ZNF568: variants seen among roughly 807,000 people sequenced by gnomAD.
The protein encoded by ZNF568 is p53 inhibitor of SCO2 activation.
ZNF568 carries 11 observed loss-of-function variants against 18.1 expected under a neutral mutation model. That is an observed-to-expected ratio of 0.61 (90% CI 0.38 to 1.00). ZNF568 has a LOEUF of 1.00. ZNF568 is among the 50% of genes least tolerant of loss of function. ZNF568 has a pLI of 0.01. For synonymous variants in ZNF568, 213 were observed against 246.6 expected, an observed-to-expected ratio of 0.86 and a Z score of 1.28; for missense variants, 639 against 768.2, an observed-to-expected ratio of 0.83 and a Z score of 1.99.
chr19:36,972,040 G>A (rs556304634), intron 6 of ZNF568, among the ~76,000 whole-genome samples: 1 of 151,824 alleles, frequency 6.6e-6, no homozygotes, highest in East Asian at 1.9e-4. Context: ...TCACCATGTT[G>A]GCCAGGATGG....
At chr19:36,930,354 C>T (rs562504935) in intron 4 of ZNF568, among the ~76,000 whole-genome samples, 2 of 152,002 alleles carry the variant, frequency 1.3e-5, no homozygotes, top group South Asian at 2.1e-4. Context: ...GGACTACAGA[C>T]GCTCGCCACC....
intron 7 of ZNF568, among the ~76,000 whole-genome samples, chr19:36,977,424 TTTGTTTTTTGTC>T (rs1241583324): frequency 6.6e-6 from 1 of 152,098 alleles, no homozygotes; most frequent in Non-Finnish European, 1.5e-5. Flanking sequence ...TTTGTTTTGT[TTTGTTTTTTGTC>T]CTGGATATGT....
chr19:36,980,747 G>T (rs568666224), downstream of ZNF568, among the ~76,000 whole-genome samples: 11 of 152,268 alleles, frequency 7.2e-5, no homozygotes, highest in South Asian at 2.3e-3. Context: ...AAGCTTCAGT[G>T]CCCAGTTTTT....
chr19:36,984,140 C>T (rs578245765), downstream of ZNF568, among the ~76,000 whole-genome samples: 1 of 152,066 alleles, frequency 6.6e-6, no homozygotes, highest in South Asian at 2.1e-4. Flanking sequence ...ACCTCATGAT[C>T]CCCCCACCTC....
chr19:36,924,797 C>T (rs1332395344), intron 3 of ZNF568, among the ~76,000 whole-genome samples: 3 of 150,434 alleles, frequency 2.0e-5, no homozygotes, highest in Non-Finnish European at 4.4e-5. Context: ...GGCCACTGCA[C>T]TCCAGCCTGG....
At chr19:36,944,567 T>A (rs2146301896) in intron 6 of ZNF568, among the ~76,000 whole-genome samples, 1 of 152,266 alleles carries the variant, frequency 6.6e-6, no homozygotes, top group Non-Finnish European at 1.5e-5. Context: ...ACTATTGACA[T>A]TTTGGGCCAG....
intron 6 of ZNF568, among the ~76,000 whole-genome samples, chr19:36,944,045 C>A (rs1242851844): frequency 6.6e-6 from 1 of 151,894 alleles, no homozygotes; most frequent in Non-Finnish European, 1.5e-5. Flanking sequence ...CTCTTTAATA[C>A]TGAGTTATTG....
At chr19:36,984,092 G>T (rs899770090), downstream of ZNF568, among the ~76,000 whole-genome samples, 2 of 151,586 alleles carry the variant, frequency 1.3e-5, no homozygotes, top group African/African-American at 4.8e-5. Flanking sequence ...GTAGAGAGGG[G>T]GTTTCACCGT....
chr19:36,935,890 G>C (rs1427028899), intron 4 of ZNF568, among the ~76,000 whole-genome samples: 1 of 152,064 alleles, frequency 6.6e-6, no homozygotes, highest in African/African-American at 2.4e-5. Context: ...GCATGTAGTT[G>C]AATTCTGTTT....
chr19:36,971,182 G>A (rs993728713), intron 6 of ZNF568, among the ~76,000 whole-genome samples: 2 of 151,524 alleles, frequency 1.3e-5, no homozygotes, highest in African/African-American at 4.8e-5. Flanking sequence ...GCAGTGAGCT[G>A]AGACGGCATC....
intron 6 of ZNF568, among the ~76,000 whole-genome samples, chr19:36,960,682 C>T (rs1327436138): frequency 1.3e-5 from 2 of 150,954 alleles, no homozygotes; most frequent in Non-Finnish European, 2.9e-5. Context: ...AAGCCGAGAT[C>T]ATGCCATTGC....
At chr19:36,977,013 T>C (rs1384443629) in intron 7 of ZNF568, among the ~76,000 whole-genome samples, 5 of 152,252 alleles carry the variant, frequency 3.3e-5, no homozygotes, top group Non-Finnish European at 7.3e-5. Flanking sequence ...TTAAACAACA[T>C]TTCATATGTT....
intron 6 of ZNF568, among the ~76,000 whole-genome samples, chr19:36,971,846 C>CTTTT (rs10672807): frequency 2.8e-5 from 4 of 142,934 alleles, no homozygotes; most frequent in African/African-American, 2.6e-5. Flanking sequence ...CTATTTATAA[C>CTTTT]TTTTTTTTTT....
intron 4 of ZNF568, among the ~76,000 whole-genome samples, chr19:36,929,110 A>G (rs2146278998): frequency 7.0e-6 from 1 of 142,206 alleles, no homozygotes; most frequent in African/African-American, 2.6e-5. Context: ...TTTAATGCTT[A>G]CATAACTTTA....
intron 2 of ZNF568, among the ~76,000 whole-genome samples, chr19:36,921,899 A>G (rs2073462781): frequency 1.3e-5 from 2 of 152,184 alleles, no homozygotes; most frequent in African/African-American, 4.8e-5. Context: ...TTTTTGACTC[A>G]GGTTTACATC....
At chr19:36,989,999 T>C (rs1397317533) in intron 2 of ZNF568, among the ~76,000 whole-genome samples, 1 of 152,134 alleles carries the variant, frequency 6.6e-6, no homozygotes, top group Non-Finnish European at 1.5e-5. Flanking sequence ...CAAACTTGAG[T>C]TTTCTAATTA....
At chr19:36,996,378 A>G (rs2074471688) in exon 5 of ZNF568, 2 of 1,535,690 alleles carry the variant, frequency 1.3e-6, no homozygotes, top group African/African-American at 1.4e-5. Context: ...ATGAAATTAG[A>G]TCACCACAAC....
intron 6 of ZNF568, among the ~76,000 whole-genome samples, 185 bp from the exon 7 acceptor site, chr19:36,949,327 G>C (rs183582672): frequency 1.1e-3 from 169 of 152,284 alleles, no homozygotes; most frequent in African/African-American, 3.9e-3. Context: ...GTCTCCATAT[G>C]TTTTATGTAG....
At position 36,952,144 on chromosome 19, in the gene ZNF568, T is replaced by A; in HGVS notation, c.*1056T>A. ...TAATGCATAAGAAATATATATATAA[T>A]ATATGTATGTATGTATAGCCAGATG... On this transcript the variant is annotated 3_prime_UTR_variant, in exon 7 of 7. Coordinates refer to ENST00000333987, the MANE Select transcript of ZNF568 (RefSeq NM_198539.4). The A allele has an allele frequency of 1.2e-5, 5 of 418,664 alleles. No homozygotes were observed. The highest frequency in any genetic ancestry group is 2.2e-5 in the African/African-American group (1 of 44,688). 25.9% of individuals were successfully genotyped at this position (418,664 alleles called of 1,614,324 possible). A position where few individuals can be genotyped will look rare whatever the true frequency, so the allele number is the denominator to read the frequency against.
Sources: gnomAD v4.1 joint callset for allele counts (sites outside exome capture counted in the v4.1 genomes callset) on GRCh38, gnomAD v4.1.1 for gene constraint, MANE v1.5 for transcripts, NCBI Gene and HGNC (gene_info 2026-07-23, HGNC 2026-07-21) for gene names.